The following CLEC1A variants were observed in gnomAD, a reference collection of about 807,000 sequenced individuals.
CLEC1A encodes C-type lectin domain family 1 member A.
In CLEC1A, 34 loss-of-function variants were observed where a neutral mutation model predicts 28.7. That is an observed-to-expected ratio of 1.18 (90% CI 0.90 to 1.57). The LOEUF is 1.57. Ranked by LOEUF, CLEC1A falls within the 40% of genes most tolerant of loss-of-function variation. The pLI is 0.00. For synonymous variants in CLEC1A, 116 were observed against 121.0 expected (o/e 0.96, Z 0.27); for missense variants, 385 against 339.5 (o/e 1.13, Z -1.05).
At chr12:10,077,496 G>A (rs1253551557) in intron 3 of CLEC1A, among the ~76,000 whole-genome samples, 1 of 152,012 alleles carries the variant, frequency 6.6e-6, no homozygotes, top group Non-Finnish European at 1.5e-5. Flanking sequence ...GACTGAAAAT[G>A]AACTGTTCTC....
Position 10,071,397 on chromosome 12 carries a change from C to G in CLEC1A, c.779G>C (p.Arg260Thr), listed in dbSNP as rs1362453183. 2 of 1,613,974 alleles carry G rather than the reference C, an allele frequency of 1.2e-6. No individual in the cohort carries two copies. The highest frequency in any genetic ancestry group is 1.7e-6 in the Non-Finnish European group (2 of 1,179,884). The stretch of plus-strand genomic sequence containing the variant: ...GCTCTCTGGCTTCACCATTCCTGCC[C>G]TTCTCTCACAGACACAACGCTTCAA... ...KELKRCVCER[R>T]AGMVKPESLH... Residue 260 changes from arginine to threonine, a missense_variant, in exon 6 of 6, where the codon AGG (arginine) becomes ACG (threonine). Transcript: ENST00000315330.
Position 10,089,212 on chromosome 12 carries a change from A to T in CLEC1A, c.126T>A (p.Ala42=). The change falls in exon 2 of 6, where the codon GCT becomes GCA. Residue 42 remains alanine, a synonymous_variant. Transcript: ENST00000315330. ...CCACTGGTCGCCACGTTGAAGAGGG[A>T]GCCCTGTGCTCTGCAGGGAACAGAA... ...HPEPRRTEHR[A]PSSTWRPVAL... is the part of the protein sequence containing the mutation. 6.2e-7 allele frequency: 1 copy of T among 1,613,912 alleles called. No individual in the cohort carries two copies. The highest frequency in any genetic ancestry group is 8.5e-7 in the Non-Finnish European group (1 of 1,179,818).
At chr12:10,071,662 A>T (rs1394252720) in intron 5 of CLEC1A, 149 bp from the exon 6 acceptor site, 1 of 609,454 alleles carries the variant, frequency 1.6e-6, no homozygotes, top group Non-Finnish European at 2.6e-6. Flanking sequence ...CTTTCTCTTC[A>T]GCCCCTAAGT....
intron 3 of CLEC1A, among the ~76,000 whole-genome samples, chr12:10,076,756 T>C (rs1348893031): frequency 6.6e-6 from 1 of 152,178 alleles, no homozygotes; most frequent in Admixed American, 6.5e-5. Flanking sequence ...GACTTATGCA[T>C]AAAAAGCATT....
intron 5 of CLEC1A, 64 bp downstream of exon 5, chr12:10,073,229 C>T: frequency 3.3e-6 from 4 of 1,209,656 alleles, no homozygotes; most frequent in Non-Finnish European, 4.9e-6. Context: ...AATTCTTGAG[C>T]TCTATCACTC....
Position 10,091,414 on chromosome 12 carries a change from G to T in CLEC1A, c.116-2192C>A, listed in dbSNP as rs868024061. 1.7e-4 allele frequency among the ~76,000 whole-genome samples: 26 copies of T among 151,738 alleles called. No homozygotes were observed. In the Middle Eastern group the frequency reaches 0.02, roughly 119 times the overall value. The stretch of plus-strand genomic sequence containing the variant: ...GTTTTTGTTTTTGTTTTTTTTGTAG[G>T]CTATTGATTTTCAGCAACATCTATG... On this transcript the variant is annotated intron_variant, in intron 1 of 5. Coordinates refer to ENST00000315330, the MANE Select transcript of CLEC1A (RefSeq NM_016511.4).
At chr12:10,092,813 G>A (rs1947724322) in intron 1 of CLEC1A, among the ~76,000 whole-genome samples, 1 of 151,982 alleles carries the variant, frequency 6.6e-6, no homozygotes. Context: ...AGTATAACAG[G>A]CTTTAAAAAG....
At chr12:10,096,184 CCTT>C (rs1947774010) in intron 1 of CLEC1A, among the ~76,000 whole-genome samples, 1 of 152,174 alleles carries the variant, frequency 6.6e-6, no homozygotes, top group African/African-American at 2.4e-5. Flanking sequence ...GCATGTCCCT[CCTT>C]CTGCAGACCC....
chr12:10,098,118 A>G (rs935410112), intron 1 of CLEC1A, among the ~76,000 whole-genome samples: 1 of 152,072 alleles, frequency 6.6e-6, no homozygotes, highest in African/African-American at 2.4e-5. Flanking sequence ...TGATATAATC[A>G]GAAGGGAAAG....
At chr12:10,094,368 C>T (rs1318743506) in intron 1 of CLEC1A, among the ~76,000 whole-genome samples, 1 of 151,952 alleles carries the variant, frequency 6.6e-6, no homozygotes, top group East Asian at 1.9e-4. Flanking sequence ...CACACAGCTA[C>T]TATTAGCAAT....
intron 1 of CLEC1A, among the ~76,000 whole-genome samples, chr12:10,091,598 G>A (rs1194399736): frequency 6.7e-6 from 1 of 149,922 alleles, no homozygotes; most frequent in Non-Finnish European, 1.5e-5. Flanking sequence ...AGTTTTTCTG[G>A]AAAAAGATGG....
chr12:10,082,889 G>T (rs1454787182), intron 2 of CLEC1A, among the ~76,000 whole-genome samples: 4 of 152,198 alleles, frequency 2.6e-5, no homozygotes, highest in African/African-American at 9.7e-5. Context: ...AGCATAACCA[G>T]CATTCAAGGA....
At position 10,071,162 on chromosome 12, in the gene CLEC1A, T is replaced by G; in HGVS notation, c.*171A>C. 1.7e-6 allele frequency: 1 copy of G among 580,604 alleles called. No homozygotes were observed. The highest frequency in any genetic ancestry group is 2.9e-6 in the Non-Finnish European group (1 of 346,604). 36.0% of individuals were successfully genotyped at this position (580,604 alleles called of 1,614,324 possible). A position where few individuals can be genotyped will look rare whatever the true frequency, so the allele number is the denominator to read the frequency against. The stretch of plus-strand genomic sequence containing the variant: ...TTCTTGTGACTGTTAAATACGTGCA[T>G]AAACCCAAGCTCAGAAATGCTGGTG... On this transcript the variant is annotated 3_prime_UTR_variant, in exon 6 of 6. Coordinates refer to ENST00000315330, the MANE Select transcript of CLEC1A (RefSeq NM_016511.4).
chr12:10,091,228 A>G (rs1479865972), intron 1 of CLEC1A, among the ~76,000 whole-genome samples: 3 of 152,158 alleles, frequency 2.0e-5, no homozygotes, highest in East Asian at 3.8e-4. Flanking sequence ...TATCTTGTCC[A>G]CCAGTCCATT....
At position 10,071,119 on chromosome 12, in the gene CLEC1A, G is replaced by T. The variant is rs1014331164; in HGVS notation, c.*214C>A. 9 of 400,508 alleles carry T rather than the reference G, an allele frequency of 2.2e-5. No homozygotes were observed. Among genetic ancestry groups the T allele is most frequent in the Non-Finnish European group, 3.5e-5 (8 of 226,230 alleles). 24.8% of individuals were successfully genotyped at this position (400,508 alleles called of 1,614,324 possible). A position where few individuals can be genotyped will look rare whatever the true frequency, so the allele number is the denominator to read the frequency against. ...CATTATGGGTTTCTGAGGTTGGTTG[G>T]TGGCATGTAAATAAGACTTCTTGTG... On this transcript the variant is annotated 3_prime_UTR_variant, in exon 6 of 6. Coordinates refer to ENST00000315330, the MANE Select transcript of CLEC1A (RefSeq NM_016511.4).
At chr12:10,081,834 A>C (rs1241162226) in intron 2 of CLEC1A, among the ~76,000 whole-genome samples, 2 of 152,192 alleles carry the variant, frequency 1.3e-5, no homozygotes, top group Admixed American at 1.3e-4. Flanking sequence ...TGAAGTGGGG[A>C]AAACCCACCT....
At chr12:10,098,343 A>G (rs1351265614) in intron 1 of CLEC1A, among the ~76,000 whole-genome samples, 1 of 152,212 alleles carries the variant, frequency 6.6e-6, no homozygotes, top group East Asian at 1.9e-4. Flanking sequence ...TATTAAGTCA[A>G]GTTAATATGA....
In CLEC1A at chr12:10,089,114, G is replaced by T; in HGVS notation, c.214+10C>A. On this transcript the variant is annotated intron_variant, in intron 2 of 5. Transcript: ENST00000315330. ...CCAGGATCCTCCCCCAGGTCAGAGC[G>T]CAGACTTACACAAAAGCCCCAGGGC... 1 of 1,603,988 alleles carries T rather than the reference G, an allele frequency of 6.2e-7. No individual in the cohort carries two copies.
rs1223867794 is a variant in CLEC1A at position 10,075,657 on chromosome 12, T to C, written c.392-2A>G. 2 of 1,610,814 alleles carry C rather than the reference T, an allele frequency of 1.2e-6. No homozygotes were observed. Among genetic ancestry groups the C allele is most frequent in the Non-Finnish European group, 1.7e-6 (2 of 1,178,740 alleles). On this transcript the variant is annotated splice_acceptor_variant, in intron 3 of 5. Coordinates refer to ENST00000315330, the MANE Select transcript of CLEC1A (RefSeq NM_016511.4). LOFTEE classifies it high-confidence loss of function. The stretch of plus-strand genomic sequence containing the variant: ...CTGTACAAGGGCTGCACCTGTGTGC[T>C]TGGAAAAAAGCCAATTTTATTGTTA...
Sources: gnomAD v4.1 joint callset for allele counts (sites outside exome capture counted in the v4.1 genomes callset) on GRCh38, gnomAD v4.1.1 for gene constraint, MANE v1.5 for transcripts, NCBI Gene and HGNC (gene_info 2026-07-23, HGNC 2026-07-21) for gene names.